Variants in ERBB4 observed in about 807,000 individuals in gnomAD.
ERBB4 encodes the protein receptor tyrosine-protein kinase erbB-4.
Under a neutral mutation model 158.0 loss-of-function variants are expected in ERBB4, and 42 were observed. The ratio of observed to expected loss-of-function variants is 0.27; its 90% CI spans 0.21 to 0.34. The LOEUF (loss-of-function observed/expected upper bound fraction) is 0.34, where lower values mean the gene tolerates loss of function less well. ERBB4 is among the 10% of genes least tolerant of loss of function. ERBB4 has a pLI of 1.00. For synonymous variants in ERBB4, 583 were observed against 558.7 expected (o/e 1.04, Z -0.61); for missense variants, 1,333 against 1,624.1 (o/e 0.82, Z 3.08).
intron 19 of ERBB4, among the ~76,000 whole-genome samples, chr2:211,580,787 G>GATATAT (rs58919262): frequency 1.0e-4 from 7 of 67,720 alleles, no homozygotes; most frequent in African/African-American, 1.5e-4. Context: ...AAGAAATTGT[G>GATATAT]ATATATATAT....
At chr2:212,391,929 A>C (rs2090886551) in intron 1 of ERBB4, among the ~76,000 whole-genome samples, 1 of 151,074 alleles carries the variant, frequency 6.6e-6, no homozygotes. Context: ...AATAAATAAA[A>C]TAAGCAATGC....
chr2:212,527,820 A>G (rs1408717615), intron 1 of ERBB4, among the ~76,000 whole-genome samples: 1 of 150,532 alleles, frequency 6.6e-6, no homozygotes, highest in Non-Finnish European at 1.5e-5. Flanking sequence ...GTCATTTAGC[A>G]TTAGGTATAT....
At chr2:211,500,793 A>G (rs889226855) in intron 20 of ERBB4, among the ~76,000 whole-genome samples, 16 of 152,056 alleles carry the variant, frequency 1.1e-4, no homozygotes, top group Admixed American at 6.5e-4. Context: ...GTGTTTGTAC[A>G]TATCTCACAC....
intron 16 of ERBB4, among the ~76,000 whole-genome samples, chr2:211,633,752 A>G (rs951721965): frequency 6.6e-6 from 1 of 150,674 alleles, no homozygotes; most frequent in Non-Finnish European, 1.5e-5. Flanking sequence ...AAAGATAGAC[A>G]TATAGGAACC....
At chr2:212,236,377 A>G (rs1351261519) in intron 1 of ERBB4, among the ~76,000 whole-genome samples, 1 of 152,146 alleles carries the variant, frequency 6.6e-6, no homozygotes, top group African/African-American at 2.4e-5. Flanking sequence ...CCAGCATTTT[A>G]TTGAGGATTT....
At chr2:211,747,853 G>C (rs189120660) in intron 5 of ERBB4, among the ~76,000 whole-genome samples, 21 of 150,916 alleles carry the variant, frequency 1.4e-4, no homozygotes, top group Admixed American at 3.3e-4. Flanking sequence ...AGTCTTTCTT[G>C]GTATCTGCAG....
intron 1 of ERBB4, among the ~76,000 whole-genome samples, chr2:212,233,200 T>C (rs576638527): frequency 6.6e-6 from 1 of 152,248 alleles, no homozygotes. Context: ...AGAATGTACT[T>C]TCTAGCAAAA....
At chr2:212,366,214 T>G (rs796272726) in intron 1 of ERBB4, among the ~76,000 whole-genome samples, 14 of 152,042 alleles carry the variant, frequency 9.2e-5, no homozygotes, top group African/African-American at 3.4e-4. Flanking sequence ...TCTGTGATGC[T>G]TACTACTGCA....
chr2:211,457,219 AT>A (rs1166672861), intron 20 of ERBB4, among the ~76,000 whole-genome samples: 1 of 152,156 alleles, frequency 6.6e-6, no homozygotes, highest in Non-Finnish European at 1.5e-5. Context: ...CGGCCAATAC[AT>A]TATGGTTACA....
At chr2:212,521,471 G>A (rs1692157875) in intron 1 of ERBB4, among the ~76,000 whole-genome samples, 3 of 151,714 alleles carry the variant, frequency 2.0e-5, no homozygotes, top group African/African-American at 7.3e-5. Flanking sequence ...CAAAAGTCAA[G>A]TTCAAATTAT....
chr2:212,415,888 C>T (rs991891543), intron 1 of ERBB4, among the ~76,000 whole-genome samples: 3 of 152,022 alleles, frequency 2.0e-5, no homozygotes, highest in Non-Finnish European at 2.9e-5. Context: ...TTTTATTTTT[C>T]CATTCAAATT....
intron 1 of ERBB4, among the ~76,000 whole-genome samples, chr2:212,132,792 A>G (rs1396330156): frequency 2.0e-5 from 3 of 152,044 alleles, no homozygotes; most frequent in African/African-American, 4.8e-5. Context: ...TGTGCGCGCT[A>G]TATATAGCAT....
intron 20 of ERBB4, among the ~76,000 whole-genome samples, chr2:211,553,239 G>C (rs540767685): frequency 6.6e-6 from 1 of 152,202 alleles, no homozygotes; most frequent in Non-Finnish European, 1.5e-5. Flanking sequence ...AAAATGCTGA[G>C]ATTATAGGCA....
intron 1 of ERBB4, among the ~76,000 whole-genome samples, chr2:212,319,361 G>T (rs1187576109): frequency 6.7e-6 from 1 of 150,008 alleles, no homozygotes. Context: ...TAACTGTTCT[G>T]GTTTGTTTGT....
At chr2:211,399,822 T>C (rs1444695245) in intron 25 of ERBB4, among the ~76,000 whole-genome samples, 1 of 151,956 alleles carries the variant, frequency 6.6e-6, no homozygotes, top group African/African-American at 2.4e-5. Flanking sequence ...CCCTGAAAAA[T>C]ACAACTTGTT....
chr2:211,467,598 C>G (rs1416326291), intron 20 of ERBB4, among the ~76,000 whole-genome samples: 1 of 152,114 alleles, frequency 6.6e-6, no homozygotes, highest in African/African-American at 2.4e-5. Flanking sequence ...AGAAAGCATT[C>G]TAATCTGGCT....
At chr2:211,983,846 C>T (rs1375313488) in intron 2 of ERBB4, among the ~76,000 whole-genome samples, 2 of 152,076 alleles carry the variant, frequency 1.3e-5, no homozygotes, top group South Asian at 2.1e-4. Flanking sequence ...AATAACATTC[C>T]TTATATTAAT....
intron 3 of ERBB4, among the ~76,000 whole-genome samples, chr2:211,848,343 C>T (rs2077638656): frequency 6.6e-6 from 1 of 151,984 alleles, no homozygotes; most frequent in South Asian, 2.1e-4. Flanking sequence ...AAAAAACTTG[C>T]AAGTAATATG....
intron 1 of ERBB4, among the ~76,000 whole-genome samples, chr2:212,464,537 G>T (rs1035281974): frequency 3.3e-5 from 5 of 151,946 alleles, no homozygotes; most frequent in African/African-American, 4.8e-5. Context: ...AACCAATAAA[G>T]AATTTAATTT....
Sources: allele counts gnomAD v4.1 joint callset (sites outside exome capture counted in the v4.1 genomes callset), GRCh38; gene constraint gnomAD v4.1.1; transcripts MANE v1.5; gene names NCBI Gene and HGNC (gene_info 2026-07-23, HGNC 2026-07-21).